The following XK variants were observed in gnomAD, a reference collection of about 807,000 sequenced individuals.
XK encodes X-linked Kx blood group antigen, Kell and VPS13A binding protein, also known as endoplasmic reticulum membrane adapter protein XK.
A neutral mutation model predicts 14.0 loss-of-function variants in XK; 2 were observed. The ratio of observed to expected loss-of-function variants is 0.14; its 90% CI spans 0.06 to 0.45. XK has a LOEUF of 0.45. Among genes scored for constraint, XK ranks in the 20% least tolerant of loss-of-function variants. The pLI, the probability that XK is intolerant of heterozygous loss-of-function variation, is 0.98. For synonymous variants in XK, 149 were observed against 147.5 expected (o/e 1.01, Z -0.08); for missense variants, 235 against 341.5 (o/e 0.69, Z 2.46).
In XK at chrX:37,727,720, A is replaced by T. The variant is rs781823738; in HGVS notation, c.593A>T (p.Glu198Val). Reference sequence around the variant, plus strand: ...CTAGCCATCAAAATCAAGTACGATGAGTATGAAGTCAAAGTGAAGCCTCTG... The same window carrying T: ...CTAGCCATCAAAATCAAGTACGATGTGTATGAAGTCAAAGTGAAGCCTCTG... Reference protein sequence around the residue: ...NILAIKIKYDEYEVKVKPLAY... With the variant: ...NILAIKIKYDVYEVKVKPLAY... Residue 198 changes from glutamate to valine, a missense_variant, in exon 3 of 3, where the codon GAG becomes GTG. Physicochemically the swap from Glu to Val is moderately radical, Grantham distance 121. Transcript: ENST00000378616. 3 of 1,209,431 alleles carry T rather than the reference A, an allele frequency of 2.5e-6. No individual in the cohort carries two copies. Among genetic ancestry groups the T allele is most frequent in the Non-Finnish European group, 3.4e-6 (3 of 895,032 alleles).
At position 37,694,512 on chromosome X, in the gene XK, A is replaced by T; in HGVS notation, c.472A>T (p.Ile158Leu). ...CCCCCAGCTGACCCTACAGCTGTACATAAGTGTCATGCAGCAGGACGTCAC... is the reference window on the plus strand; with the variant it reads ...CCCCCAGCTGACCCTACAGCTGTACTTAAGTGTCATGCAGCAGGACGTCAC... ...SAPQLTLQLY[I>L]SVMQQDVTVG... Residue 158 changes from isoleucine to leucine, a missense_variant, in exon 2 of 3, where the codon ATA (isoleucine) becomes TTA (leucine). Physicochemically the swap from Ile to Leu is conservative, Grantham distance 5. Transcript: ENST00000378616. 8.4e-7 allele frequency: 1 copy of T among 1,192,287 alleles called. No homozygotes were observed. The highest frequency in any genetic ancestry group is 1.1e-6 in the Non-Finnish European group (1 of 884,350).
chrX:37,703,199 T>C (rs1209041743), intron 2 of XK, among the ~76,000 whole-genome samples: 1 of 112,335 alleles, frequency 8.9e-6, no homozygotes, highest in Non-Finnish European at 1.9e-5. Context: ...TGTTTCTCCT[T>C]CAGAGTCTTC....
At chrX:37,702,688 C>T (rs782314218) in intron 2 of XK, among the ~76,000 whole-genome samples, 5 of 111,793 alleles carry the variant, frequency 4.5e-5, no homozygotes, top group Non-Finnish European at 9.4e-5. Flanking sequence ...CTATAAAGTC[C>T]CATATCTGAT....
chrX:37,724,957 C>G (rs782223334), intron 2 of XK, among the ~76,000 whole-genome samples: 108 of 111,515 alleles, frequency 9.7e-4, no homozygotes, highest in African/African-American at 3.4e-3. Flanking sequence ...TGAGGTACCA[C>G]TATATACCTA....
intron 2 of XK, among the ~76,000 whole-genome samples, chrX:37,723,091 A>G (rs1422311594): frequency 9.0e-6 from 1 of 111,356 alleles, no homozygotes; most frequent in Non-Finnish European, 1.9e-5. Flanking sequence ...TTCCCTTCTA[A>G]TAATAATGAA....
intron 2 of XK, among the ~76,000 whole-genome samples, chrX:37,716,669 G>A (rs1556447861): frequency 8.9e-6 from 1 of 111,876 alleles, no homozygotes; most frequent in African/African-American, 3.3e-5. Flanking sequence ...TCTATCTTGG[G>A]ATTCTGAGTG....
At chrX:37,713,070 T>C (rs1051641514) in intron 2 of XK, among the ~76,000 whole-genome samples, 4 of 111,599 alleles carry the variant, frequency 3.6e-5, no homozygotes, top group East Asian at 2.8e-4. Flanking sequence ...TTCTGCATAA[T>C]AAACCACCAT....
At chrX:37,724,273 G>A (rs12841651) in intron 2 of XK, among the ~76,000 whole-genome samples, 6,527 of 111,060 alleles carry the variant, frequency 0.059, 201 homozygotes, top group Non-Finnish European at 0.091. Context: ...ACATAGAATT[G>A]AATTTTAAGA....
At chrX:37,702,566 C>T (rs188813572) in intron 2 of XK, among the ~76,000 whole-genome samples, 241 of 111,775 alleles carry the variant, frequency 2.2e-3, no homozygotes, top group African/African-American at 5.8e-3. Flanking sequence ...ATTTCTGGCT[C>T]TCTTGAGAAG....
chrX:37,724,373 T>C (rs1238320881), intron 2 of XK, among the ~76,000 whole-genome samples: 1 of 110,826 alleles, frequency 9.0e-6, no homozygotes, highest in Non-Finnish European at 1.9e-5. Flanking sequence ...ATAGAGAGCC[T>C]ATAAATAGAC....
intron 2 of XK, among the ~76,000 whole-genome samples, chrX:37,697,410 G>A (rs1927323912): frequency 8.9e-6 from 1 of 111,794 alleles, no homozygotes; most frequent in Admixed American, 9.5e-5. Flanking sequence ...AAATGAATAG[G>A]CAACTGACAG....
intron 1 of XK, among the ~76,000 whole-genome samples, chrX:37,688,361 C>T (rs1195125952): frequency 2.7e-5 from 3 of 111,184 alleles, no homozygotes; most frequent in Non-Finnish European, 3.8e-5. Context: ...CCACCGTGCC[C>T]GGCCTTATCA....
In XK at chrX:37,709,935, G is replaced by A. The variant is rs1427752664; in HGVS notation, c.508+15387G>A. Reference sequence around the variant, plus strand: ...CTTCAATTTCAGGCATGGATCAAGAGTGAACACAAAATCAGAAAATCTCCT... The same window carrying A: ...CTTCAATTTCAGGCATGGATCAAGAATGAACACAAAATCAGAAAATCTCCT... On this transcript the variant is annotated intron_variant, in intron 2 of 2. Coordinates refer to ENST00000378616, the MANE Select transcript of XK (RefSeq NM_021083.4). Among the ~76,000 whole-genome samples the A allele has an allele frequency of 2.7e-5, 3 of 111,891 alleles. No homozygotes were observed. The Admixed American group carries it at 2.8e-4, about 11-fold the overall frequency.
intron 2 of XK, among the ~76,000 whole-genome samples, chrX:37,697,308 C>T (rs1927321864): frequency 8.9e-6 from 1 of 112,289 alleles, no homozygotes; most frequent in Non-Finnish European, 1.9e-5. Flanking sequence ...AGTTTGAGAA[C>T]ATTGGATTAG....
At chrX:37,704,727 C>T (rs904234939) in intron 2 of XK, among the ~76,000 whole-genome samples, 8 of 110,663 alleles carry the variant, frequency 7.2e-5, no homozygotes, top group African/African-American at 1.6e-4. Flanking sequence ...CTCAGCTACT[C>T]GGGAGGCTGA....
chrX:37,704,490 T>C (rs1277533746), intron 2 of XK, among the ~76,000 whole-genome samples: 6 of 110,833 alleles, frequency 5.4e-5, no homozygotes, highest in Non-Finnish European at 1.1e-4. Context: ...TGAGCTACGA[T>C]TGCACCACTG....
At chrX:37,711,937 T>A (rs1556446804) in intron 2 of XK, among the ~76,000 whole-genome samples, 1 of 111,299 alleles carries the variant, frequency 9.0e-6, no homozygotes, top group African/African-American at 3.3e-5. Context: ...AAATAGAGGA[T>A]TTATTTCACT....
chrX:37,707,807 A>G (rs989449364), intron 2 of XK, among the ~76,000 whole-genome samples: 2 of 112,104 alleles, frequency 1.8e-5, no homozygotes, highest in South Asian at 3.7e-4. Flanking sequence ...ATGGGGTGGC[A>G]GCCGGGCAGA....
At position 37,731,655 on chromosome X, in the gene XK, C is replaced by T. The variant is rs782631788; in HGVS notation, c.*3193C>T. 3.6e-5 allele frequency: 4 copies of T among 111,607 alleles called. No individual in the cohort carries two copies. Among genetic ancestry groups the T allele is most frequent in the Non-Finnish European group, 5.7e-5 (3 of 53,054 alleles). 9.2% of individuals were successfully genotyped at this position (111,607 alleles called of 1,213,427 possible). A position where few individuals can be genotyped will look rare whatever the true frequency, so the allele number is the denominator to read the frequency against. On this transcript the variant is annotated 3_prime_UTR_variant, in exon 3 of 3. Coordinates refer to ENST00000378616, the MANE Select transcript of XK (RefSeq NM_021083.4). Reference sequence around the variant, plus strand: ...TCATATGAGTTCCTGAGTGGATATGCGAATCTTTGGTCTTCTCGACAGGTG... The same window carrying T: ...TCATATGAGTTCCTGAGTGGATATGTGAATCTTTGGTCTTCTCGACAGGTG...
Sources: gnomAD v4.1 joint callset for allele counts (sites outside exome capture counted in the v4.1 genomes callset) on GRCh38, gnomAD v4.1.1 for gene constraint, MANE v1.5 for transcripts, NCBI Gene and HGNC (gene_info 2026-07-23, HGNC 2026-07-21) for gene names.